The following LRRTM4 variants were observed in gnomAD, a reference collection of about 807,000 sequenced individuals.
LRRTM4 encodes leucine-rich repeat transmembrane neuronal protein 4.
A neutral mutation model predicts 47.6 loss-of-function variants in LRRTM4; 25 were observed. The ratio of observed to expected loss-of-function variants is 0.53; its 90% CI spans 0.38 to 0.73. LRRTM4 has a LOEUF of 0.73. Ranked by LOEUF, LRRTM4 falls within the 30% of genes least tolerant of loss-of-function variation. LRRTM4 has a pLI of 0.00. For synonymous variants in LRRTM4, 311 were observed against 269.5 expected (o/e 1.15, Z -1.51); for missense variants, 638 against 713.4 (o/e 0.89, Z 1.20).
At chr2:77,386,448 T>C (rs1354693672) in intron 3 of LRRTM4, among the ~76,000 whole-genome samples, 2 of 152,150 alleles carry the variant, frequency 1.3e-5, no homozygotes, top group Admixed American at 1.3e-4. Context: ...GGACATAAAC[T>C]CATTATTTTT....
chr2:77,295,551 A>G (rs1004344015), intron 3 of LRRTM4, among the ~76,000 whole-genome samples: 2 of 152,158 alleles, frequency 1.3e-5, no homozygotes, highest in African/African-American at 4.8e-5. Context: ...GGCTGCCACA[A>G]GAAGTACTGC....
chr2:77,465,341 T>C (rs1573451387), intron 3 of LRRTM4, among the ~76,000 whole-genome samples: 1 of 152,176 alleles, frequency 6.6e-6, no homozygotes, highest in South Asian at 2.1e-4. Context: ...GAACATAATA[T>C]GTATCTGAGA....
intron 3 of LRRTM4, among the ~76,000 whole-genome samples, chr2:77,257,717 AACACAC>A (rs57315997): frequency 0.1 from 14,690 of 146,846 alleles, 1,241 homozygotes; most frequent in East Asian, 0.33. Flanking sequence ...TTAAAAATAC[AACACAC>A]ACACACACAC....
intron 3 of LRRTM4, among the ~76,000 whole-genome samples, chr2:76,939,414 T>C (rs1675060783): frequency 6.6e-6 from 1 of 152,174 alleles, no homozygotes; most frequent in Non-Finnish European, 1.5e-5. Flanking sequence ...ATGTCTGCTC[T>C]TTAAGAATTG....
chr2:77,472,520 T>G (rs891516865), intron 3 of LRRTM4, among the ~76,000 whole-genome samples: 1 of 146,608 alleles, frequency 6.8e-6, no homozygotes, highest in African/African-American at 2.7e-5. Flanking sequence ...TGTGTGTTCT[T>G]TTTTTTTTTC....
chr2:77,070,102 C>T (rs895844852), intron 3 of LRRTM4, among the ~76,000 whole-genome samples: 17 of 152,030 alleles, frequency 1.1e-4, no homozygotes, highest in African/African-American at 3.6e-4. Flanking sequence ...CTATCGCGTG[C>T]TTCTGCTTTT....
intron 3 of LRRTM4, among the ~76,000 whole-genome samples, chr2:77,462,791 G>A (rs1676839242): frequency 6.6e-6 from 1 of 151,938 alleles, no homozygotes; most frequent in Non-Finnish European, 1.5e-5. Flanking sequence ...ATCACAAATT[G>A]CCTACCTGTG....
At chr2:77,113,446 G>C (rs564035350) in intron 3 of LRRTM4, among the ~76,000 whole-genome samples, 156 of 152,284 alleles carry the variant, frequency 1.0e-3, no homozygotes, top group African/African-American at 3.5e-3. Context: ...TGAGCATTAT[G>C]AGGTTCTAGC....
At chr2:77,008,123 G>T (rs549357590) in intron 3 of LRRTM4, among the ~76,000 whole-genome samples, 42 of 152,240 alleles carry the variant, frequency 2.8e-4, no homozygotes, top group African/African-American at 9.6e-4. Context: ...ATCAATGAAA[G>T]AGACAATGAA....
At chr2:77,076,076 C>T (rs559510791) in intron 3 of LRRTM4, among the ~76,000 whole-genome samples, 1 of 152,154 alleles carries the variant, frequency 6.6e-6, no homozygotes, top group Non-Finnish European at 1.5e-5. Flanking sequence ...AGACTTTTGA[C>T]ATTTACATAA....
intron 3 of LRRTM4, among the ~76,000 whole-genome samples, chr2:77,218,825 T>G (rs973727411): frequency 6.6e-6 from 1 of 152,056 alleles, no homozygotes; most frequent in Non-Finnish European, 1.5e-5. Flanking sequence ...ATTGAATAAA[T>G]AAGTGCCAGA....
intron 3 of LRRTM4, among the ~76,000 whole-genome samples, chr2:77,161,563 T>C (rs1224030045): frequency 6.6e-6 from 1 of 152,156 alleles, no homozygotes; most frequent in Non-Finnish European, 1.5e-5. Flanking sequence ...CTTTTCTTCC[T>C]TAATAATAAA....
chr2:76,748,877 C>A lies in LRRTM4; in HGVS notation c.1591G>T (p.Asp531Tyr). 6.2e-7 allele frequency: 1 copy of A among 1,613,890 alleles called. No individual in the cohort carries two copies. The highest frequency in any genetic ancestry group is 1.1e-5 in the South Asian group (1 of 91,060). ...HMKPLPYYSY[D>Y]QPVIGYCQAH... The stretch of plus-strand genomic sequence containing the variant: ...TGGCAGTACCCGATCACAGGCTGGT[C>A]ATAGCTGTAATATGGCAAGGGCTTC... Residue 531 changes from aspartate (D) to tyrosine (Y), a missense_variant, in exon 4 of 4, where the codon GAC (aspartate) becomes TAC (tyrosine). By Grantham distance (160) the Asp-to-Tyr change is radical. Coordinates refer to ENST00000409884, the MANE Select transcript of LRRTM4 (RefSeq NM_001134745.3).
chr2:76,951,213 TAGC>T (rs1416207996), intron 3 of LRRTM4, among the ~76,000 whole-genome samples: 1 of 152,050 alleles, frequency 6.6e-6, no homozygotes, highest in African/African-American at 2.4e-5. Context: ...CTGAAGTGAT[TAGC>T]AGTGTAAAAA....
At chr2:77,036,572 G>A (rs1678844807) in intron 3 of LRRTM4, among the ~76,000 whole-genome samples, 2 of 151,610 alleles carry the variant, frequency 1.3e-5, no homozygotes, top group African/African-American at 4.8e-5. Context: ...TTCTCTAAAT[G>A]TTTCAGTTTT....
At chr2:77,446,147 T>A (rs1001630242) in intron 3 of LRRTM4, among the ~76,000 whole-genome samples, 1 of 152,078 alleles carries the variant, frequency 6.6e-6, no homozygotes, top group African/African-American at 2.4e-5. Context: ...TGACTCAACA[T>A]GTAATAGGCA....
chr2:77,409,669 A>T (rs1674344879), intron 3 of LRRTM4, among the ~76,000 whole-genome samples: 1 of 152,172 alleles, frequency 6.6e-6, no homozygotes, highest in Non-Finnish European at 1.5e-5. Context: ...CATTTCTTCA[A>T]CCTTTACTCT....
intron 3 of LRRTM4, among the ~76,000 whole-genome samples, chr2:77,440,380 C>T (rs1253050692): frequency 6.6e-6 from 1 of 152,056 alleles, no homozygotes; most frequent in Non-Finnish European, 1.5e-5. Context: ...TGCCACTGCA[C>T]TCCAGCCAGG....
intron 3 of LRRTM4, among the ~76,000 whole-genome samples, chr2:77,116,771 A>C (rs1184836255): frequency 6.6e-6 from 1 of 152,050 alleles, no homozygotes; most frequent in East Asian, 1.9e-4. Context: ...ACACTCAAAC[A>C]ACCTCCCTTT....
Sources: allele counts gnomAD v4.1 joint callset (sites outside exome capture counted in the v4.1 genomes callset), GRCh38; gene constraint gnomAD v4.1.1; transcripts MANE v1.5; gene names NCBI Gene and HGNC (gene_info 2026-07-23, HGNC 2026-07-21).